PDE6C: variants seen among roughly 807,000 people sequenced by gnomAD.
The protein encoded by PDE6C is phosphodiesterase 6C, also known as cone cGMP-specific 3',5'-cyclic phosphodiesterase subunit alpha'.
Under a neutral mutation model 113.1 loss-of-function variants are expected in PDE6C, and 75 were observed. The observed-to-expected ratio is 0.66, with a 90% CI of 0.55 to 0.80. The LOEUF is 0.80. Ranked by LOEUF, PDE6C falls within the 30% of genes least tolerant of loss-of-function variation. The pLI is 0.00. For missense variants in PDE6C, 912 were observed against 1,038.6 expected, an observed-to-expected ratio of 0.88 and a Z score of 1.67; for synonymous variants, 375 against 363.7, an observed-to-expected ratio of 1.03 and a Z score of -0.35.
At chr10:93,637,115 T>C in intron 11 of PDE6C, 52 bp downstream of exon 11, 1 of 880,722 alleles carries the variant, frequency 1.1e-6, no homozygotes, top group Admixed American at 1.8e-5. Context: ...GCATTATAAA[T>C]CAATAATATA....
chr10:93,628,617 G>T (rs942662847), intron 7 of PDE6C, among the ~76,000 whole-genome samples: 3 of 152,000 alleles, frequency 2.0e-5, no homozygotes, highest in Admixed American at 6.5e-5. Flanking sequence ...CAAATAAAAT[G>T]CTATGATTTT....
At chr10:93,631,078 C>T (rs540371594) in intron 8 of PDE6C, among the ~76,000 whole-genome samples, 44 of 152,270 alleles carry the variant, frequency 2.9e-4, no homozygotes, top group African/African-American at 9.9e-4. Flanking sequence ...AATGTGAGGC[C>T]CTTTGCTTTC....
At chr10:93,622,639 G>GTTTTTTTTTGTT (rs2058452335) in intron 4 of PDE6C, among the ~76,000 whole-genome samples, 1 of 113,988 alleles carries the variant, frequency 8.8e-6, no homozygotes, top group African/African-American at 3.7e-5. Context: ...GTAGCCACAG[G>GTTTTTTTTTGTT]TTTTTTTTTT....
In PDE6C at chr10:93,640,982, C is replaced by T. The variant is rs1471850931; in HGVS notation, c.1800C>T (p.Phe600=). ...CCTTTGCCATGCTTGCTGCTGCTTT[C>T]TGCCATGATATTGACCACAGAGGCA... is the stretch of plus-strand genomic sequence containing the variant. ...LEAFAMLAAA[F]CHDIDHRGTN... Residue 600 remains phenylalanine, a synonymous_variant, in exon 14 of 22, where the codon TTC becomes TTT. Transcript: ENST00000371447. 1 of 1,613,218 alleles carries T rather than the reference C, an allele frequency of 6.2e-7. No individual in the cohort carries two copies. The highest frequency in any genetic ancestry group is 1.1e-5 in the South Asian group (1 of 91,074).
intron 16 of PDE6C, among the ~76,000 whole-genome samples, chr10:93,657,328 A>ATTTTTTTTTTTTTTT (rs71031526): frequency 2.3e-5 from 2 of 88,286 alleles, no homozygotes; most frequent in Admixed American, 1.6e-4. Flanking sequence ...CGCCTGGCTA[A>ATTTTTTTTTTTTTTT]TTTTTTTTTT....
intron 17 of PDE6C, 35 bp from the exon 18 acceptor site, chr10:93,659,069 A>C (rs779188795): frequency 6.3e-7 from 1 of 1,583,374 alleles, no homozygotes. Context: ...TTTTGTACTT[A>C]TTTCTATTTT....
chr10:93,618,996 C>T (rs1415672136), intron 1 of PDE6C, among the ~76,000 whole-genome samples: 9 of 152,158 alleles, frequency 5.9e-5, no homozygotes, highest in Non-Finnish European at 1.3e-4. Context: ...TTTTGGCCAA[C>T]GAGTCTCAGA....
intron 8 of PDE6C, 87 bp from the exon 9 acceptor site, chr10:93,634,671 A>T: frequency 7.2e-7 from 1 of 1,388,406 alleles, no homozygotes; most frequent in Non-Finnish European, 1.0e-6. Flanking sequence ...ATCTCTCTGT[A>T]CATTTCTTTT....
intron 18 of PDE6C, among the ~76,000 whole-genome samples, chr10:93,660,092 A>C (rs1312407897): frequency 6.6e-6 from 1 of 152,184 alleles, no homozygotes; most frequent in African/African-American, 2.4e-5. Context: ...AAATGGGTTT[A>C]ACTATAAAAG....
At chr10:93,654,802 C>CTT (rs1554891587) in intron 15 of PDE6C, among the ~76,000 whole-genome samples, 1 of 82,646 alleles carries the variant, frequency 1.2e-5, no homozygotes, top group Non-Finnish European at 2.4e-5. Context: ...TTCTTTCTTT[C>CTT]TTTCTTTCTT....
rs2058398646 is a variant in PDE6C at position 93,612,931 on chromosome 10, T to C, written c.206T>C (p.Val69Ala). Residue 69 changes from valine (V) to alanine (A), a missense_variant, in exon 1 of 22, where the codon GTG becomes GCG. Physicochemically the swap from Val to Ala is moderately conservative, Grantham distance 64. Transcript: ENST00000371447. ...SALCLELLWT[V>A]QEEGGTPEQG... The stretch of plus-strand genomic sequence containing the variant: ...CTGTGCTTGGAGCTGCTGTGGACCG[T>C]GCAGGAGGAGGGGGGCACCCCAGAG... 4 of 1,613,846 alleles carry C rather than the reference T, an allele frequency of 2.5e-6. No homozygotes were observed. Among genetic ancestry groups the C allele is most frequent in the Non-Finnish European group, 3.4e-6 (4 of 1,180,004 alleles).
At chr10:93,643,618 T>G (rs572534292) in intron 14 of PDE6C, among the ~76,000 whole-genome samples, 1 of 151,690 alleles carries the variant, frequency 6.6e-6, no homozygotes, top group East Asian at 1.9e-4. Flanking sequence ...GTTGAACTCC[T>G]GGGCTCAAGC....
At chr10:93,622,222 C>CA (rs2058450094) in intron 4 of PDE6C, 150 bp downstream of exon 4, 3 of 825,698 alleles carry the variant, frequency 3.6e-6, no homozygotes, top group Non-Finnish European at 5.9e-6. Context: ...TGTCTTGGAG[C>CA]AAAAAAGATG....
At position 93,621,917 on chromosome 10, in the gene PDE6C, G is replaced by T. The variant is rs141403797; in HGVS notation, c.724-15G>T. On this transcript the variant is annotated splice_polypyrimidine_tract_variant and intron_variant, in intron 3 of 21. Coordinates refer to ENST00000371447, the MANE Select transcript of PDE6C (RefSeq NM_006204.4). ...ACTTTATTCTAACTGTTTTCTTTTT[G>T]ATACCTACTTTCAGATCCTTATGTG... 1.1e-3 allele frequency: 1,831 copies of T among 1,611,974 alleles called. 23 individuals are homozygous for T. The African/African-American group carries it at 0.02, about 17-fold the overall frequency.
chr10:93,637,908 G>A (rs2134609454), intron 11 of PDE6C, among the ~76,000 whole-genome samples: 1 of 152,288 alleles, frequency 6.6e-6, no homozygotes, highest in East Asian at 1.9e-4. Flanking sequence ...GGGGCTCTGA[G>A]TGATATTATC....
chr10:93,643,772 T>A (rs933332784), intron 14 of PDE6C, among the ~76,000 whole-genome samples: 2 of 151,810 alleles, frequency 1.3e-5, no homozygotes, highest in African/African-American at 4.8e-5. Context: ...TATTGCAGCA[T>A]ATATTTATTA....
At chr10:93,625,369 C>T (rs1466552284) in intron 4 of PDE6C, among the ~76,000 whole-genome samples, 8 of 152,134 alleles carry the variant, frequency 5.3e-5, no homozygotes, top group Admixed American at 5.2e-4. Flanking sequence ...CTATTGTTAT[C>T]CCTATTTTAC....
intron 15 of PDE6C, among the ~76,000 whole-genome samples, chr10:93,650,864 C>T (rs1243244808): frequency 6.7e-6 from 1 of 148,890 alleles, no homozygotes; most frequent in Non-Finnish European, 1.5e-5. Context: ...TACTTTTTCC[C>T]ACATGTCTGT....
intron 12 of PDE6C, 64 bp from the exon 13 acceptor site, chr10:93,640,386 T>C: frequency 7.5e-7 from 1 of 1,341,234 alleles, no homozygotes; most frequent in Non-Finnish European, 1.1e-6. Flanking sequence ...TAGATAAGAT[T>C]GCCACAGACC....
Sources: allele counts gnomAD v4.1 joint callset (sites outside exome capture counted in the v4.1 genomes callset), GRCh38; gene constraint gnomAD v4.1.1; transcripts MANE v1.5; gene names NCBI Gene and HGNC (gene_info 2026-07-23, HGNC 2026-07-21).